The following JAKMIP3 variants were observed in gnomAD, a reference collection of about 807,000 sequenced individuals.
The protein encoded by JAKMIP3 is janus kinase and microtubule-interacting protein 3.
In JAKMIP3, 58 loss-of-function variants were observed where a neutral mutation model predicts 118.5. The observed-to-expected ratio is 0.49, with a 90% CI of 0.40 to 0.61. JAKMIP3 has a LOEUF of 0.61. JAKMIP3 is among the 20% of genes least tolerant of loss of function. The pLI is 0.00. For missense variants in JAKMIP3, 950 were observed against 1,109.0 expected (o/e 0.86, Z 2.04); for synonymous variants, 486 against 451.2 (o/e 1.08, Z -0.98).
intron 1 of JAKMIP3, among the ~76,000 whole-genome samples, chr10:132,072,550 TAA>T (rs1202017323): frequency 1.3e-5 from 2 of 152,098 alleles, no homozygotes; most frequent in African/African-American, 2.4e-5. Flanking sequence ...AATAAATAAA[TAA>T]AACTTTAATC....
chr10:132,126,167 G>T (rs2049499850), intron 3 of JAKMIP3, among the ~76,000 whole-genome samples: 1 of 152,194 alleles, frequency 6.6e-6, no homozygotes, highest in African/African-American at 2.4e-5. Flanking sequence ...ACAGAGAAGT[G>T]TTGAGAGTGA....
chr10:132,061,797 C>G (rs1405627920), upstream of JAKMIP3, among the ~76,000 whole-genome samples: 1 of 152,164 alleles, frequency 6.6e-6, no homozygotes, highest in African/African-American at 2.4e-5. Context: ...ATGTATGAGA[C>G]ATACATTTCT....
At chr10:132,148,759 G>T (rs531608844) in intron 14 of JAKMIP3, among the ~76,000 whole-genome samples, 1 of 152,230 alleles carries the variant, frequency 6.6e-6, no homozygotes, top group African/African-American at 2.4e-5. Flanking sequence ...GGGCAGCCAC[G>T]TCGCTGTGAT....
intron 2 of JAKMIP3, among the ~76,000 whole-genome samples, chr10:132,109,022 C>G (rs1056152572): frequency 2.3e-5 from 3 of 131,238 alleles, no homozygotes; most frequent in African/African-American, 9.0e-5. Flanking sequence ...TATATGTATA[C>G]AAATTATATA....
Position 132,152,150 on chromosome 10 carries a change from G to A in JAKMIP3, c.2008-808G>A, listed in dbSNP as rs1023403078. Among the ~76,000 whole-genome samples, 4 of 152,216 alleles carry A rather than the reference G, an allele frequency of 2.6e-5. No homozygotes were observed. The East Asian group carries it at 7.7e-4, about 29-fold the overall frequency. ...TGAGGTTCTTGCCTGAGTCAGGAGTGCAGCTGGCCCCCACCATGGACTACA... is the reference window on the plus strand; with the variant it reads ...TGAGGTTCTTGCCTGAGTCAGGAGTACAGCTGGCCCCCACCATGGACTACA... On this transcript the variant is annotated intron_variant, in intron 16 of 23. Transcript: ENST00000684848.
At chr10:132,107,196 A>C (rs1334556494) in intron 2 of JAKMIP3, among the ~76,000 whole-genome samples, 1 of 152,144 alleles carries the variant, frequency 6.6e-6, no homozygotes, top group Non-Finnish European at 1.5e-5. Flanking sequence ...CCCCCAGCCA[A>C]TAATTATCTT....
Position 132,149,473 on chromosome 10 carries a change from GC to G in JAKMIP3, c.1915del (p.Leu639SerfsTer10). ...FHHTPFVDGK[S>X]PLQVYCEAEG... The stretch of plus-strand genomic sequence containing the variant: ...CACACGCCCTTCGTGGACGGGAAGA[GC>G]CCCCTCCAGGTGTACTGCGAGGCCG... On this transcript the variant is annotated frameshift_variant, in exon 15 of 24. Transcript: ENST00000684848. LOFTEE classifies it high-confidence loss of function. 1 of 1,603,692 alleles carries G rather than the reference GC, an allele frequency of 6.2e-7. No homozygotes were observed. The highest frequency in any genetic ancestry group is 8.5e-7 in the Non-Finnish European group (1 of 1,176,468).
chr10:132,106,721 G>A (rs2379231), intron 2 of JAKMIP3, among the ~76,000 whole-genome samples: 1 of 151,952 alleles, frequency 6.6e-6, no homozygotes, highest in South Asian at 2.1e-4. Flanking sequence ...AATGCCCCCC[G>A]TCAAAAAATG....
chr10:132,126,497 C>T (rs1388884076), intron 3 of JAKMIP3, among the ~76,000 whole-genome samples: 3 of 152,014 alleles, frequency 2.0e-5, no homozygotes, highest in Non-Finnish European at 4.4e-5. Context: ...GAGACAGGGT[C>T]TCGCTTTGTT....
intron 9 of JAKMIP3, among the ~76,000 whole-genome samples, chr10:132,139,949 G>A (rs1405072605): frequency 6.6e-6 from 1 of 152,156 alleles, no homozygotes; most frequent in Non-Finnish European, 1.5e-5. Flanking sequence ...GGGTGAGGGG[G>A]CCCTAAAGAT....
At chr10:132,058,176 A>G (rs563110619) in intron 1 of JAKMIP3, among the ~76,000 whole-genome samples, 1 of 152,304 alleles carries the variant, frequency 6.6e-6, no homozygotes, top group South Asian at 2.1e-4. Context: ...CTTGGGGCCC[A>G]ATTTATTCCC....
chr10:132,122,553 T>G (rs1589866707), intron 3 of JAKMIP3, among the ~76,000 whole-genome samples: 1 of 152,168 alleles, frequency 6.6e-6, no homozygotes, highest in Non-Finnish European at 1.5e-5. Flanking sequence ...TCTCAGAGCA[T>G]GGAGGCTTTA....
chr10:132,091,319 A>G (rs534525438), intron 1 of JAKMIP3, among the ~76,000 whole-genome samples: 38 of 152,294 alleles, frequency 2.5e-4, no homozygotes, highest in African/African-American at 8.4e-4. Context: ...GCTGAGTTCA[A>G]TTCCTGGGTA....
chr10:132,125,301 C>A (rs2049311828), intron 3 of JAKMIP3, among the ~76,000 whole-genome samples: 2 of 152,222 alleles, frequency 1.3e-5, no homozygotes, highest in Non-Finnish European at 2.9e-5. Flanking sequence ...GGATATCCAA[C>A]TATTTCAGGA....
intron 1 of JAKMIP3, among the ~76,000 whole-genome samples, chr10:132,079,242 G>A (rs926249094): frequency 2.8e-5 from 4 of 145,214 alleles, no homozygotes; most frequent in African/African-American, 1.1e-4. Flanking sequence ...TTGCTGCCAT[G>A]ACAAATTCAC....
Position 132,141,973 on chromosome 10 carries a change from C to T in JAKMIP3, c.1527C>T (p.Tyr509=), listed in dbSNP as rs371865720. The T allele has an allele frequency of 8.7e-6, 14 of 1,600,580 alleles. No homozygotes were observed. The highest frequency in any genetic ancestry group is 1.1e-5 in the Non-Finnish European group (13 of 1,173,986). Residue 509 remains tyrosine (Y), a synonymous_variant, in exon 11 of 24, where the codon TAC becomes TAT. Transcript: ENST00000684848. ...GGTTCCGGCAGCTGACCATGGAGTA[C>T]CAGGCCCTGCAGCGTGCCTACGCTT... The part of the protein sequence containing the change: ...ELRFRQLTME[Y]QALQRAYALL...
At chr10:132,082,512 A>G (rs1488334154) in intron 1 of JAKMIP3, among the ~76,000 whole-genome samples, 3 of 152,182 alleles carry the variant, frequency 2.0e-5, no homozygotes, top group Non-Finnish European at 2.9e-5. Flanking sequence ...CTTCATTTGG[A>G]ATAATAATCT....
chr10:132,131,563 C>T (rs1158396093), intron 3 of JAKMIP3, among the ~76,000 whole-genome samples: 1 of 151,888 alleles, frequency 6.6e-6, no homozygotes, highest in Non-Finnish European at 1.5e-5. Context: ...TTTATGACAG[C>T]CTCTGACTCT....
chr10:132,065,898 C>T (rs955721715), upstream of JAKMIP3, among the ~76,000 whole-genome samples: 1 of 152,104 alleles, frequency 6.6e-6, no homozygotes, highest in Non-Finnish European at 1.5e-5. This position sits in a 1 kb window ranked among gnomAD's most constrained non-coding sequence, Gnocchi z 5.6. Flanking sequence ...GTAGTCACAG[C>T]GTGGTAAATT....
Sources: gnomAD v4.1 joint callset for allele counts (sites outside exome capture counted in the v4.1 genomes callset) on GRCh38, gnomAD v4.1.1 for gene constraint, Gnocchi (gnomAD v3.1) non-coding constraint, MANE v1.5 for transcripts, NCBI Gene and HGNC (gene_info 2026-07-23, HGNC 2026-07-21) for gene names.